The following DENND1B variants were observed in gnomAD, a reference collection of about 807,000 sequenced individuals.
The protein encoded by DENND1B is DENN domain containing 1B.
A neutral mutation model predicts 90.1 loss-of-function variants in DENND1B; 59 were observed. The observed-to-expected ratio is 0.65, with a 90% CI of 0.53 to 0.81. The LOEUF is 0.81. DENND1B is among the 40% of genes least tolerant of loss of function. DENND1B has a pLI of 0.00. For missense variants in DENND1B, 862 were observed against 912.6 expected (o/e 0.94, Z 0.71); for synonymous variants, 337 against 324.6 (o/e 1.04, Z -0.41).
At position 197,611,222 on chromosome 1, in the gene DENND1B, T is replaced by C. The variant is rs747233434; in HGVS notation, c.819+709A>G. Among the ~76,000 whole-genome samples the C allele has an allele frequency of 4.6e-5, 7 of 150,868 alleles. No individual in the cohort carries two copies. The East Asian group carries it at 5.9e-4, about 13-fold the overall frequency. On this transcript the variant is annotated intron_variant, in intron 12 of 22. Transcript: ENST00000620048. ...CATCTAGCATAATGACACCACTCAA[T>C]TGACCCAAGACTTTGTTTTAATTAA...
In DENND1B at chr1:197,682,684, A is replaced by G. The variant is rs559273859; in HGVS notation, c.127-8515T>C. 1.5e-4 allele frequency among the ~76,000 whole-genome samples: 23 copies of G among 152,278 alleles called. 1 individual carries two copies. In the South Asian group the frequency reaches 4.8e-3, roughly 32 times the overall value. ...GTAAATAGAGAAATGAAGAGCGAAT[A>G]AGAAGTTGGCCAGGCTACAGCATGA... On this transcript the variant is annotated intron_variant, in intron 3 of 22. Coordinates refer to ENST00000620048, the MANE Select transcript of DENND1B (RefSeq NM_001195215.2).
chr1:197,617,555 G>C (rs1180394073), intron 11 of DENND1B, 104 bp downstream of exon 11: 3 of 759,880 alleles, frequency 3.9e-6, no homozygotes, highest in Admixed American at 5.1e-5. Flanking sequence ...GTAAGTTTCT[G>C]TGATTTCTTT....
intron 2 of DENND1B, among the ~76,000 whole-genome samples, chr1:197,750,497 A>T (rs1431132065): frequency 6.6e-6 from 1 of 152,318 alleles, no homozygotes; most frequent in East Asian, 1.9e-4. Flanking sequence ...CATATCAATA[A>T]TTACACTGAA....
At chr1:197,544,507 C>T (rs1233160666) in intron 18 of DENND1B, among the ~76,000 whole-genome samples, 1 of 152,018 alleles carries the variant, frequency 6.6e-6, no homozygotes, top group African/African-American at 2.4e-5. Context: ...TTTACTTTAT[C>T]ATTTATTATT....
intron 3 of DENND1B, among the ~76,000 whole-genome samples, chr1:197,679,655 G>A (rs1478760849): frequency 6.7e-6 from 1 of 149,878 alleles, no homozygotes; most frequent in Non-Finnish European, 1.5e-5. Context: ...TTTTGTGTAT[G>A]TATATATTTA....
chr1:197,625,694 G>T (rs941963086), intron 10 of DENND1B, among the ~76,000 whole-genome samples: 2 of 152,010 alleles, frequency 1.3e-5, no homozygotes, highest in Non-Finnish European at 2.9e-5. Context: ...TGGACTAAAT[G>T]CTCCAATTAA....
chr1:197,773,389 T>C (rs1049478233), intron 1 of DENND1B, among the ~76,000 whole-genome samples: 1 of 152,200 alleles, frequency 6.6e-6, no homozygotes, highest in African/African-American at 2.4e-5. Flanking sequence ...TCCAAAGGAC[T>C]TGCAATATAA....
intron 3 of DENND1B, among the ~76,000 whole-genome samples, chr1:197,681,312 T>C (rs1328124506): frequency 1.3e-5 from 2 of 152,166 alleles, no homozygotes; most frequent in African/African-American, 4.8e-5. Context: ...ATTGCAAAGT[T>C]ATCCGATGTA....
At chr1:197,745,817 A>C (rs899266725) in intron 2 of DENND1B, among the ~76,000 whole-genome samples, 1 of 151,906 alleles carries the variant, frequency 6.6e-6, no homozygotes, top group Admixed American at 6.6e-5. Context: ...GCTGAATTTA[A>C]ATCATCTTCC....
intron 2 of DENND1B, among the ~76,000 whole-genome samples, chr1:197,730,046 G>A (rs766774307): frequency 1.9e-4 from 28 of 150,910 alleles, no homozygotes; most frequent in Non-Finnish European, 3.7e-4. Flanking sequence ...CAGACCCCTA[G>A]ACTACACTTT....
intron 11 of DENND1B, among the ~76,000 whole-genome samples, chr1:197,613,219 C>A (rs1677335863): frequency 6.6e-6 from 1 of 150,638 alleles, no homozygotes; most frequent in Admixed American, 6.6e-5. Flanking sequence ...CCCTGACAGA[C>A]CCAGAGATTT....
At chr1:197,633,203 G>A (rs1190027238) in intron 10 of DENND1B, among the ~76,000 whole-genome samples, 1 of 152,138 alleles carries the variant, frequency 6.6e-6, no homozygotes, top group Non-Finnish European at 1.5e-5. Context: ...GTCTACATTT[G>A]TAAAAAATGA....
chr1:197,613,248 T>C (rs1677338969), intron 11 of DENND1B, among the ~76,000 whole-genome samples: 1 of 150,664 alleles, frequency 6.6e-6, no homozygotes, highest in African/African-American at 2.4e-5. Context: ...CCTTAAAAAG[T>C]TCCAAATTTA....
chr1:197,673,905 TCTTA>T (rs766644486), intron 4 of DENND1B, among the ~76,000 whole-genome samples: 6 of 152,168 alleles, frequency 3.9e-5, no homozygotes, highest in Non-Finnish European at 5.9e-5. Context: ...TTCAAACTTG[TCTTA>T]ACTGGTCATA....
intron 2 of DENND1B, among the ~76,000 whole-genome samples, chr1:197,730,535 CA>C (rs1662053867): frequency 6.6e-6 from 1 of 152,000 alleles, no homozygotes; most frequent in Non-Finnish European, 1.5e-5. Context: ...TAAGGTGTGT[CA>C]GGGGGCCATT....
chr1:197,555,141 A>C (rs1157982686), intron 15 of DENND1B, among the ~76,000 whole-genome samples: 1 of 152,080 alleles, frequency 6.6e-6, no homozygotes, highest in Non-Finnish European at 1.5e-5. Context: ...CAGAAGAATG[A>C]AACTGGAGTC....
At chr1:197,599,033 G>A (rs1225674273) in intron 13 of DENND1B, among the ~76,000 whole-genome samples, 2 of 151,644 alleles carry the variant, frequency 1.3e-5, no homozygotes, top group African/African-American at 2.4e-5. Flanking sequence ...TAGCACGCTG[G>A]GAATTCACTG....
chr1:197,723,230 T>TTA (rs1179242015), intron 2 of DENND1B, among the ~76,000 whole-genome samples: 4 of 152,120 alleles, frequency 2.6e-5, no homozygotes, highest in Non-Finnish European at 5.9e-5. Flanking sequence ...ACAAGACCTA[T>TTA]TATAATAAAA....
chr1:197,769,890 A>C (rs1346807625), intron 2 of DENND1B, among the ~76,000 whole-genome samples: 3 of 152,188 alleles, frequency 2.0e-5, no homozygotes, highest in Non-Finnish European at 4.4e-5. Context: ...TTTTCTATTT[A>C]AGATTTAGCT....
Sources: gnomAD v4.1 joint callset for allele counts (sites outside exome capture counted in the v4.1 genomes callset) on GRCh38, gnomAD v4.1.1 for gene constraint, MANE v1.5 for transcripts, NCBI Gene and HGNC (gene_info 2026-07-23, HGNC 2026-07-21) for gene names.